The following FAM169A variants were observed in gnomAD, a reference collection of about 807,000 sequenced individuals.
The protein encoded by FAM169A is soluble lamin-associated protein of 75 kDa.
FAM169A carries 24 observed loss-of-function variants against 75.7 expected under a neutral mutation model. The observed-to-expected ratio is 0.32, with a 90% CI of 0.23 to 0.45. The LOEUF (loss-of-function observed/expected upper bound fraction) is 0.45. Ranked by LOEUF, FAM169A falls within the 20% of genes least tolerant of loss-of-function variation. The pLI is 1.00. For synonymous variants in FAM169A, 271 were observed against 271.0 expected (o/e 1.00, Z 0.00); for missense variants, 673 against 784.0 (o/e 0.86, Z 1.69).
At chr5:74,820,229 C>T (rs1476972694) in intron 5 of FAM169A, among the ~76,000 whole-genome samples, 5 of 152,050 alleles carry the variant, frequency 3.3e-5, no homozygotes, top group Admixed American at 6.5e-5. Flanking sequence ...CTCCTAACCT[C>T]AGGTGATCCA....
chr5:74,799,409 A>C, intron 10 of FAM169A: 1 of 1,613,284 alleles, frequency 6.2e-7, no homozygotes, highest in South Asian at 1.1e-5. Flanking sequence ...CACATTAAAA[A>C]GCTGATTCGC....
chr5:74,826,509 G>C (rs1748035279), intron 5 of FAM169A, among the ~76,000 whole-genome samples: 1 of 151,892 alleles, frequency 6.6e-6, no homozygotes, highest in Admixed American at 6.6e-5. Flanking sequence ...AGACGTTTTT[G>C]CTCATGTAGC....
intron 2 of FAM169A, among the ~76,000 whole-genome samples, chr5:74,840,547 G>T (rs941172465): frequency 6.7e-6 from 1 of 148,824 alleles, no homozygotes; most frequent in Non-Finnish European, 1.5e-5. Context: ...AAAAAAAGCA[G>T]GCCGGGCACA....
chr5:74,840,377 A>G (rs1157944799), intron 2 of FAM169A, among the ~76,000 whole-genome samples: 1 of 152,162 alleles, frequency 6.6e-6, no homozygotes, highest in Non-Finnish European at 1.5e-5. Flanking sequence ...GAAAATATGA[A>G]AAGTTGTTTC....
At chr5:74,804,826 G>A (rs751942080) in intron 7 of FAM169A, among the ~76,000 whole-genome samples, 5 of 152,304 alleles carry the variant, frequency 3.3e-5, no homozygotes, top group East Asian at 3.9e-4. Context: ...TTGGGGAGAA[G>A]TGCATGAGAT....
At chr5:74,794,601 AC>A (rs1580085631) in intron 11 of FAM169A, among the ~76,000 whole-genome samples, 1 of 150,464 alleles carries the variant, frequency 6.6e-6, no homozygotes, top group East Asian at 2.0e-4. Flanking sequence ...ACACGGTGAA[AC>A]CCCGTCTCTA....
At chr5:74,824,194 G>A (rs1254410835) in intron 5 of FAM169A, among the ~76,000 whole-genome samples, 1 of 152,142 alleles carries the variant, frequency 6.6e-6, no homozygotes, top group African/African-American at 2.4e-5. Context: ...TGACTAGATT[G>A]TTCTTCCCCA....
At chr5:74,854,856 G>C (rs529380113) in intron 1 of FAM169A, among the ~76,000 whole-genome samples, 1 of 152,016 alleles carries the variant, frequency 6.6e-6, no homozygotes, top group African/African-American at 2.4e-5. Context: ...CCATTCATTC[G>C]ATGATTGACA....
At chr5:74,801,163 CACTT>C (rs1746555772) in intron 9 of FAM169A, 133 bp from the exon 10 acceptor site, 1 of 577,492 alleles carries the variant, frequency 1.7e-6, no homozygotes, top group Non-Finnish European at 2.8e-6. Context: ...ACCCTCCCCT[CACTT>C]ATGTCAGGCT....
Position 74,840,171 on chromosome 5 carries a change from A to T in FAM169A, c.135T>A (p.Ile45=). 2 of 1,486,134 alleles carry T rather than the reference A, an allele frequency of 1.3e-6. No individual in the cohort carries two copies. The highest frequency in any genetic ancestry group is 1.8e-6 in the Non-Finnish European group (2 of 1,092,592). The allele number at this position is 1,486,134 out of a possible 1,614,324, so 92.1% of individuals were successfully genotyped here. The change falls in exon 3 of 13, where the codon ATT becomes ATA. Residue 45 remains isoleucine (I), a splice_region_variant and synonymous_variant. Transcript: ENST00000687041. ...PECFSLLNIT[I]PISLSNVGFV... is the part of the protein sequence containing the mutation. ...AGCCTACATTTGACAGGCTAATAGG[A>T]ATCTGAAATGACAAATTAATAAAGA...
At chr5:74,799,192 A>T in intron 10 of FAM169A, 1 of 1,217,202 alleles carries the variant, frequency 8.2e-7, no homozygotes, top group Non-Finnish European at 1.2e-6. Context: ...GCATGACCAC[A>T]TCGTCACTTG....
intron 5 of FAM169A, among the ~76,000 whole-genome samples, chr5:74,814,677 T>G (rs1309398368): frequency 6.6e-6 from 1 of 152,192 alleles, no homozygotes; most frequent in Non-Finnish European, 1.5e-5. Flanking sequence ...ACAAAAAATT[T>G]GTAGTTTCTA....
chr5:74,854,853 T>C (rs1749627068), intron 1 of FAM169A, among the ~76,000 whole-genome samples: 1 of 152,240 alleles, frequency 6.6e-6, no homozygotes, highest in African/African-American at 2.4e-5. Context: ...TATCCATTCA[T>C]TCGATGATTG....
intron 5 of FAM169A, among the ~76,000 whole-genome samples, chr5:74,821,107 C>T (rs1747745431): frequency 6.6e-6 from 1 of 152,182 alleles, no homozygotes; most frequent in Non-Finnish European, 1.5e-5. Flanking sequence ...GTTGTCTTCA[C>T]ATCATCTGAC....
At position 74,783,722 on chromosome 5, in the gene FAM169A, T is replaced by C. The variant is rs556092967; in HGVS notation, c.1261-588A>G. On this transcript the variant is annotated intron_variant, in intron 11 of 12. Transcript: ENST00000687041. ...CTGCTCCTTGCATATCATTAAAGTA[T>C]GGAAATGCTATTTGATAACATGAAC... Among the ~76,000 whole-genome samples, 3 of 152,352 alleles carry C rather than the reference T, an allele frequency of 2.0e-5. No homozygotes were observed. The South Asian group carries it at 6.2e-4, about 32-fold the overall frequency.
rs896709907 is a variant in FAM169A, at chr5:74,808,399, C to T, written c.671-3115G>A. ...ACAGAAAAATAAATATTGTATGATT[C>T]CATTTAGATGAGGTAGCTAGCATGG... On this transcript the variant is annotated intron_variant, in intron 6 of 12. Transcript: ENST00000687041. Among the ~76,000 whole-genome samples, 7 of 151,370 alleles carry T rather than the reference C, an allele frequency of 4.6e-5. No individual in the cohort carries two copies. The South Asian group carries it at 6.2e-4, about 13-fold the overall frequency.
chr5:74,857,959 T>C (rs1561329302), intron 1 of FAM169A, among the ~76,000 whole-genome samples: 1 of 152,196 alleles, frequency 6.6e-6, no homozygotes, highest in Non-Finnish European at 1.5e-5. Flanking sequence ...AAACAAAATT[T>C]ATTCAGAATC....
At chr5:74,809,766 T>C (rs1352712504) in intron 6 of FAM169A, among the ~76,000 whole-genome samples, 1 of 152,150 alleles carries the variant, frequency 6.6e-6, no homozygotes, top group Admixed American at 6.6e-5. Flanking sequence ...AAAACATAAA[T>C]TGAAACCACA....
At chr5:74,824,472 A>G (rs1166886956) in intron 5 of FAM169A, among the ~76,000 whole-genome samples, 1 of 152,150 alleles carries the variant, frequency 6.6e-6, no homozygotes, top group African/African-American at 2.4e-5. Context: ...TAATCTTCTA[A>G]TTAGCACAGC....
Sources: allele counts gnomAD v4.1 joint callset (sites outside exome capture counted in the v4.1 genomes callset), GRCh38; gene constraint gnomAD v4.1.1; transcripts MANE v1.5; gene names NCBI Gene and HGNC (gene_info 2026-07-23, HGNC 2026-07-21).